GSR: variants seen among roughly 807,000 people sequenced by gnomAD.
GSR encodes glutathione-disulfide reductase.
A neutral mutation model predicts 56.5 loss-of-function variants in GSR; 48 were observed. That is an observed-to-expected ratio of 0.85 (90% CI 0.67 to 1.08). GSR has a LOEUF of 1.08. Among genes scored for constraint, GSR ranks in the 50% least tolerant of loss-of-function variants. The probability of loss-of-function intolerance (pLI) is 0.00; values close to 1 mark genes in which losing one functional copy is unlikely to be tolerated. For missense variants in GSR, 694 were observed against 703.3 expected (o/e 0.99, Z 0.15); for synonymous variants, 264 against 270.8 (o/e 0.97, Z 0.25).
rs8190981 is a variant in GSR, at chr8:30,698,876, C to T, written c.695+1205G>A. 7.9e-3 allele frequency among the ~76,000 whole-genome samples: 1,201 copies of T among 152,254 alleles called. 5 individuals are homozygous for T. Among genetic ancestry groups the T allele is most frequent in the Middle Eastern group, 0.014 (4 of 294 alleles). On this transcript the variant is annotated intron_variant, in intron 6 of 12. Coordinates refer to ENST00000221130, the MANE Select transcript of GSR (RefSeq NM_000637.5). Reference sequence around the variant, plus strand: ...CACATTGGGTCCCTCCACCTGTTTCCAGGCATCACCTCTTCTCACAAGTGA... The same window carrying T: ...CACATTGGGTCCCTCCACCTGTTTCTAGGCATCACCTCTTCTCACAAGTGA...
intron 1 of GSR, 38 bp downstream of exon 1, chr8:30,727,492 A>T: frequency 6.6e-7 from 1 of 1,517,514 alleles, no homozygotes; most frequent in African/African-American, 1.4e-5. Flanking sequence ...ACCGAGACAA[A>T]GAGGCGCCCC....
intron 4 of GSR, among the ~76,000 whole-genome samples, chr8:30,705,192 A>G (rs758723144): frequency 1.3e-5 from 2 of 151,970 alleles, no homozygotes; most frequent in African/African-American, 2.4e-5. Context: ...TTGGGAGGAC[A>G]AGGCAGAAGG....
intron 2 of GSR, among the ~76,000 whole-genome samples, chr8:30,711,324 CT>C (rs1436278802): frequency 6.6e-6 from 1 of 152,128 alleles, no homozygotes; most frequent in Admixed American, 6.5e-5. Context: ...CAAGAGGCAG[CT>C]TTACAAATAA....
At chr8:30,716,931 C>A (rs1052007068) in intron 1 of GSR, among the ~76,000 whole-genome samples, 25 of 150,304 alleles carry the variant, frequency 1.7e-4, no homozygotes, top group Non-Finnish European at 3.4e-4. Flanking sequence ...TTTTTTTTTT[C>A]AATTTCTTAC....
chr8:30,700,526 G>A (rs912194686), intron 5 of GSR, among the ~76,000 whole-genome samples: 37 of 151,744 alleles, frequency 2.4e-4, no homozygotes, highest in Admixed American at 1.6e-3. Context: ...CAAAATCTAT[G>A]TGGCCTGGCC....
Position 30,716,914 on chromosome 8 carries a change from C to A in GSR, c.307-4826G>T, listed in dbSNP as rs8190914. Among the ~76,000 whole-genome samples, 747 of 152,146 alleles carry A rather than the reference C, an allele frequency of 4.9e-3. 5 individuals are homozygous for A. Among genetic ancestry groups the A allele is most frequent in the African/African-American group, 0.017 (705 of 41,526 alleles). On this transcript the variant is annotated intron_variant, in intron 1 of 12. Transcript: ENST00000221130. ...CTCTGCTGCTCCCTTCTCTTTCCCC[C>A]CAAATTTTTTTTTTTTCAATTTCTT...
chr8:30,714,473 T>C (rs946554806), intron 1 of GSR, among the ~76,000 whole-genome samples: 1 of 151,786 alleles, frequency 6.6e-6, no homozygotes, highest in Non-Finnish European at 1.5e-5. Context: ...AGTGCTGGGA[T>C]TACAGGCGTG....
intron 6 of GSR, 59 bp downstream of exon 6, chr8:30,700,022 A>G: frequency 8.0e-7 from 1 of 1,251,452 alleles, no homozygotes; most frequent in Non-Finnish European, 1.2e-6. Flanking sequence ...AGACGAAGAA[A>G]AGTTACCAGG....
In GSR at chr8:30,691,279, TGGG is replaced by T. The variant is rs1803368198; in HGVS notation, c.882+1687_882+1689del. On this transcript the variant is annotated intron_variant, in intron 8 of 12. Transcript: ENST00000221130. Reference sequence around the variant, plus strand: ...CTGAGGCAGGAGAATCACTTGAACCTGGGAGGTGGAGGTTGCAGTGAGCTGTGA... The same window carrying T: ...CTGAGGCAGGAGAATCACTTGAACCTAGGTGGAGGTTGCAGTGAGCTGTGA... 2.6e-5 allele frequency among the ~76,000 whole-genome samples: 4 copies of T among 152,034 alleles called. 1 individual carries two copies. In the South Asian group the frequency reaches 8.3e-4, roughly 32 times the overall value.
At chr8:30,722,292 G>T (rs533153872) in intron 1 of GSR, among the ~76,000 whole-genome samples, 2 of 152,296 alleles carry the variant, frequency 1.3e-5, no homozygotes, top group African/African-American at 4.8e-5. Context: ...ATGAATATGG[G>T]TGGGCCCCAT....
chr8:30,687,523 C>T (rs180955087), intron 9 of GSR: 1 of 152,186 alleles, frequency 6.6e-6, no homozygotes, highest in Non-Finnish European at 1.5e-5. Flanking sequence ...TGGTACACGC[C>T]TGGAATCCCA....
intron 1 of GSR, among the ~76,000 whole-genome samples, chr8:30,725,310 G>A (rs1804687275): frequency 6.6e-6 from 1 of 152,016 alleles, no homozygotes; most frequent in Non-Finnish European, 1.5e-5. Context: ...AACAGGCCAG[G>A]CGTGGTGGCT....
chr8:30,715,517 A>C (rs1238790833), intron 1 of GSR, among the ~76,000 whole-genome samples: 1 of 152,174 alleles, frequency 6.6e-6, no homozygotes, highest in Non-Finnish European at 1.5e-5. Context: ...TGCTAGCCCC[A>C]TAATGGGAAT....
intron 1 of GSR, among the ~76,000 whole-genome samples, chr8:30,714,707 T>C (rs889163144): frequency 2.0e-5 from 3 of 151,630 alleles, no homozygotes; most frequent in African/African-American, 7.3e-5. Flanking sequence ...AAAAATACTT[T>C]ATAAAAATAG....
At chr8:30,719,274 AT>A (rs869039312) in intron 1 of GSR, among the ~76,000 whole-genome samples, 22 of 17,160 alleles carry the variant, frequency 1.3e-3, no homozygotes, top group Admixed American at 5.9e-3. Flanking sequence ...ACCTGGATAA[AT>A]TTTTTTTTTT....
At chr8:30,687,726 T>C (rs1317012703) in intron 9 of GSR, 2 of 152,222 alleles carry the variant, frequency 1.3e-5, no homozygotes, top group Non-Finnish European at 2.9e-5. Flanking sequence ...TAAAATATCC[T>C]ATTATTACTA....
At chr8:30,693,660 C>T (rs1803460611) in intron 7 of GSR, among the ~76,000 whole-genome samples, 1 of 152,118 alleles carries the variant, frequency 6.6e-6, no homozygotes, top group Non-Finnish European at 1.5e-5. Context: ...TCCCGAGGAG[C>T]TGGGATTACA....
chr8:30,724,413 A>G (rs1804655332), intron 1 of GSR, among the ~76,000 whole-genome samples: 2 of 151,796 alleles, frequency 1.3e-5, no homozygotes, highest in Admixed American at 1.3e-4. Flanking sequence ...TCAGCTTCTC[A>G]TCTCTTATTT....
In GSR at chr8:30,726,661, C is replaced by A. The variant is rs141580933; in HGVS notation, c.306+869G>T. Among the ~76,000 whole-genome samples the A allele has an allele frequency of 2.6e-3, 403 of 152,088 alleles. 2 individuals carry two copies. The highest frequency in any genetic ancestry group is 9.1e-3 in the African/African-American group (378 of 41,484). ...CCTGTAGTTCCAGCTACTCAGGAGG[C>A]CAAGGTGAGAGGATCCCTTGAGCCC... On this transcript the variant is annotated intron_variant, in intron 1 of 12. Coordinates refer to ENST00000221130, the MANE Select transcript of GSR (RefSeq NM_000637.5).
Sources: allele counts gnomAD v4.1 joint callset (sites outside exome capture counted in the v4.1 genomes callset), GRCh38; gene constraint gnomAD v4.1.1; transcripts MANE v1.5; gene names NCBI Gene and HGNC (gene_info 2026-07-23, HGNC 2026-07-21).